LIMK1: variants seen among roughly 807,000 people sequenced by gnomAD.
LIMK1 encodes LIM domain kinase 1.
Under a neutral mutation model 77.6 loss-of-function variants are expected in LIMK1, and 21 were observed. The observed-to-expected ratio is 0.27, with a 90% CI of 0.19 to 0.39. The LOEUF is 0.39. LIMK1 is among the 10% of genes least tolerant of loss of function. LIMK1 has a pLI of 1.00. For missense variants in LIMK1, 696 were observed against 901.6 expected (o/e 0.77, Z 2.92); for synonymous variants, 358 against 370.0 (o/e 0.97, Z 0.37).
intron 5 of LIMK1, among the ~76,000 whole-genome samples, chr7:74,102,150 G>T (rs782531509): frequency 2.6e-5 from 4 of 152,010 alleles, no homozygotes; most frequent in Non-Finnish European, 4.4e-5. Flanking sequence ...TGCATGCAAA[G>T]CCTGTATCAA....
At chr7:74,086,339 C>T (rs1799137672) in intron 2 of LIMK1, among the ~76,000 whole-genome samples, 1 of 151,900 alleles carries the variant, frequency 6.6e-6, no homozygotes, top group African/African-American at 2.4e-5. Context: ...ACCACCGCTC[C>T]TGGCCTCATT....
intron 2 of LIMK1, among the ~76,000 whole-genome samples, chr7:74,092,417 A>T (rs1262324757): frequency 6.6e-6 from 1 of 152,148 alleles, no homozygotes. Context: ...CTCAGCCGGG[A>T]CCAGATGCTG....
At position 74,099,156 on chromosome 7, in the gene LIMK1, C is replaced by A; in HGVS notation, c.526C>A (p.Arg176Ser). 1 of 1,613,470 alleles carries A rather than the reference C, an allele frequency of 6.2e-7. No individual in the cohort carries two copies. The highest frequency in any genetic ancestry group is 8.5e-7 in the Non-Finnish European group (1 of 1,180,020). The change falls in exon 5 of 16, where the codon CGT becomes AGT. Residue 176 changes from arginine to serine, a missense_variant. Physicochemically the swap from Arg to Ser is moderately radical, Grantham distance 110. This residue lies in a region of LIMK1 where 252 missense variants were observed against 279.4 expected (regional missense o/e 0.90). Coordinates refer to ENST00000336180, the MANE Select transcript of LIMK1 (RefSeq NM_002314.4). Reference sequence around the variant, plus strand: ...CATCCCAGCCTCATCTCATGGCAAGCGTGGACTTTCAGTCTCCATTGACCC... The same window carrying A: ...CATCCCAGCCTCATCTCATGGCAAGAGTGGACTTTCAGTCTCCATTGACCC... ...VSIPASSHGK[R>S]GLSVSIDPPH...
chr7:74,107,822 G>A (rs782285810), intron 8 of LIMK1, 49 bp from the exon 9 acceptor site: 7 of 1,463,782 alleles, frequency 4.8e-6, no homozygotes, highest in Middle Eastern at 1.7e-4. Flanking sequence ...CCTAGAAGGC[G>A]GGCTTACAGC....
In LIMK1 at chr7:74,105,925, G is replaced by A; in HGVS notation, c.659G>A (p.Gly220Glu). The change falls in exon 6 of 16, where the codon GGA (glycine) becomes GAA (glutamate). Residue 220 changes from glycine to glutamate, a missense_variant. Coordinates refer to ENST00000336180, the MANE Select transcript of LIMK1 (RefSeq NM_002314.4). The part of the protein sequence containing the change: ...SPDVKNSIHV[G>E]DRILEINGTP... ...GATGTGAAGAATTCCATCCACGTCG[G>A]AGACCGGATCTTGGAAATCAATGGC... 1 of 1,614,064 alleles carries A rather than the reference G, an allele frequency of 6.2e-7. No individual in the cohort carries two copies. The highest frequency in any genetic ancestry group is 2.2e-5 in the East Asian group (1 of 44,874).
At chr7:74,107,249 C>A in intron 8 of LIMK1, 56 bp downstream of exon 8, 1 of 1,509,422 alleles carries the variant, frequency 6.6e-7, no homozygotes, top group Admixed American at 1.9e-5. Context: ...CTCCATCCTC[C>A]TTCCTTCCCA....
At chr7:74,112,491 C>T (rs1487582773) in intron 12 of LIMK1, among the ~76,000 whole-genome samples, 2 of 151,806 alleles carry the variant, frequency 1.3e-5, no homozygotes, top group Non-Finnish European at 2.9e-5. Flanking sequence ...GAGGCCGAGG[C>T]AGGCGGATCA....
At chr7:74,096,972 C>G in intron 3 of LIMK1, 108 bp from the exon 4 acceptor site, 1 of 1,055,406 alleles carries the variant, frequency 9.5e-7, no homozygotes, top group South Asian at 1.6e-5. Flanking sequence ...CCAGCCGGGT[C>G]CCTGCAGTTG....
intron 3 of LIMK1, 53 bp from the exon 4 acceptor site, chr7:74,097,026 TG>T: frequency 7.3e-7 from 1 of 1,375,918 alleles, no homozygotes; most frequent in South Asian, 1.3e-5. Flanking sequence ...GGAGGATCTG[TG>T]GGGGTTGTTG....
intron 7 of LIMK1, among the ~76,000 whole-genome samples, chr7:74,106,706 G>A (rs1563919692): frequency 2.0e-5 from 3 of 152,150 alleles, no homozygotes; most frequent in African/African-American, 2.4e-5. Context: ...GTTGCAGTGA[G>A]CCAAGGTCAC....
At chr7:74,087,585 T>G (rs782689447) in intron 2 of LIMK1, among the ~76,000 whole-genome samples, 4 of 151,986 alleles carry the variant, frequency 2.6e-5, no homozygotes, top group Non-Finnish European at 5.9e-5. Context: ...CTGCCTTGGT[T>G]TATTTTTTGG....
intron 2 of LIMK1, among the ~76,000 whole-genome samples, chr7:74,087,273 G>A (rs782495601): frequency 2.6e-5 from 4 of 152,064 alleles, no homozygotes; most frequent in Non-Finnish European, 4.4e-5. Context: ...GCGTGGTGGC[G>A]CATGCCTGTA....
In LIMK1 at chr7:74,086,568, C is replaced by A. The variant is rs994477873; in HGVS notation, c.152+724C>A. On this transcript the variant is annotated intron_variant, in intron 2 of 15. Coordinates refer to ENST00000336180, the MANE Select transcript of LIMK1 (RefSeq NM_002314.4). Reference sequence around the variant, plus strand: ...TAAAGACAGGGTCTCACTATTGAGACCCAGGCTGGTCTTGAACTTGTGACC... The same window carrying A: ...TAAAGACAGGGTCTCACTATTGAGAACCAGGCTGGTCTTGAACTTGTGACC... Among the ~76,000 whole-genome samples the A allele has an allele frequency of 7.2e-5, 11 of 152,140 alleles. No individual in the cohort carries two copies. In the East Asian group the frequency reaches 2.1e-3, roughly 29 times the overall value.
intron 12 of LIMK1, among the ~76,000 whole-genome samples, chr7:74,114,535 G>A (rs1381488678): frequency 6.9e-6 from 1 of 144,294 alleles, no homozygotes; most frequent in African/African-American, 2.6e-5. Context: ...TGGGCCACGG[G>A]AGGGAGACTC....
chr7:74,108,797 A>T, intron 9 of LIMK1, 108 bp from the exon 10 acceptor site: 1 of 1,503,198 alleles, frequency 6.7e-7, no homozygotes. Flanking sequence ...GGGGTTCCGT[A>T]TCTTTGAGAC....
chr7:74,088,076 GTTTTTTC>G (rs558925280), intron 2 of LIMK1, among the ~76,000 whole-genome samples: 152 of 152,194 alleles, frequency 1.0e-3, no homozygotes, highest in Middle Eastern at 3.4e-3. Flanking sequence ...TGCCCAGCCT[GTTTTTTC>G]TTTTTTAGGA....
At chr7:74,100,601 A>G (rs1308085430) in intron 5 of LIMK1, among the ~76,000 whole-genome samples, 1 of 151,568 alleles carries the variant, frequency 6.6e-6, no homozygotes, top group Admixed American at 6.6e-5. Flanking sequence ...ATTTTTAGTA[A>G]AGACAGGGTT....
At chr7:74,114,929 A>G (rs2115744343) in intron 12 of LIMK1, among the ~76,000 whole-genome samples, 1 of 151,064 alleles carries the variant, frequency 6.6e-6, no homozygotes, top group South Asian at 2.1e-4. Context: ...AAAAAAAAAA[A>G]AAGATAAAAT....
chr7:74,084,463 G>C (rs1428347985), intron 1 of LIMK1, among the ~76,000 whole-genome samples: 4 of 152,194 alleles, frequency 2.6e-5, no homozygotes, highest in Non-Finnish European at 4.4e-5. Flanking sequence ...GCCCGGCTCT[G>C]TGACCTTGAG....
Sources: gnomAD v4.1 joint callset for allele counts (sites outside exome capture counted in the v4.1 genomes callset) on GRCh38, gnomAD v4.1.1 for gene constraint, gnomAD v4.1.1 regional missense constraint, MANE v1.5 for transcripts, NCBI Gene and HGNC (gene_info 2026-07-23, HGNC 2026-07-21) for gene names.